Variants in ETFA observed in about 807,000 individuals in gnomAD.
ETFA encodes electron transfer flavoprotein subunit alpha.
Under a neutral mutation model 46.2 loss-of-function variants are expected in ETFA, and 22 were observed. The ratio of observed to expected loss-of-function variants is 0.48; its 90% confidence interval spans 0.34 to 0.68. The LOEUF is 0.68. Among genes scored for constraint, ETFA ranks in the 30% least tolerant of loss-of-function variants. The probability of loss-of-function intolerance (pLI) is 0.01; values close to 1 mark genes in which losing one functional copy is unlikely to be tolerated. For synonymous variants in ETFA, 131 were observed against 139.9 expected (o/e 0.94, Z 0.45); for missense variants, 345 against 401.1 (o/e 0.86, Z 1.19).
At chr15:76,250,222 G>GC (rs1555456759) in intron 9 of ETFA, among the ~76,000 whole-genome samples, 1 of 151,616 alleles carries the variant, frequency 6.6e-6, no homozygotes, top group African/African-American at 2.4e-5. Flanking sequence ...AAGATGGATT[G>GC]AAAAAAAGAT....
At chr15:76,271,720 C>T (rs899035789) in intron 9 of ETFA, among the ~76,000 whole-genome samples, 3 of 151,976 alleles carry the variant, frequency 2.0e-5, no homozygotes, top group Non-Finnish European at 4.4e-5. Context: ...CCTATATAAC[C>T]TATTTGGGGA....
Position 76,241,607 on chromosome 15 carries a change from T to C in ETFA, c.817-10209A>G, listed in dbSNP as rs193198332. Among the ~76,000 whole-genome samples the C allele has an allele frequency of 4.0e-3, 599 of 151,602 alleles. 3 individuals are homozygous for C. Among genetic ancestry groups the C allele is most frequent in the African/African-American group, 0.014 (567 of 41,380 alleles). On this transcript the variant is annotated intron_variant, in intron 9 of 11. Transcript: ENST00000557943. ...CGAGGTCAGGAGATCCAGACCATCC[T>C]GGCCAACACGGTGAAACTCTGTCTC...
chr15:76,224,586 C>A (rs1347920572), intron 11 of ETFA, among the ~76,000 whole-genome samples: 4 of 152,208 alleles, frequency 2.6e-5, no homozygotes, highest in Non-Finnish European at 5.9e-5. Context: ...AGATCATATG[C>A]AGTGCTGGTG....
At chr15:76,263,664 G>A (rs1486698491) in intron 9 of ETFA, among the ~76,000 whole-genome samples, 1 of 152,096 alleles carries the variant, frequency 6.6e-6, no homozygotes, top group African/African-American at 2.4e-5. Context: ...ATTTTAAAAA[G>A]GTGTATAAAG....
In ETFA at chr15:76,295,436, C is replaced by T. The variant is rs3759853; in HGVS notation, c.186+155G>A. The stretch of plus-strand genomic sequence containing the variant: ...GCTTAGGGAAGAAACCTTTTAGTTC[C>T]TTTTTCACACATGGTAATGGTTGTG... On this transcript the variant is annotated intron_variant, in intron 2 of 11. Coordinates refer to ENST00000557943, the MANE Select transcript of ETFA (RefSeq NM_000126.4). Among the ~76,000 whole-genome samples, 62,401 of 151,974 alleles carry T rather than the reference C, an allele frequency of 0.41. 15,224 individuals carry two copies. The highest frequency in any genetic ancestry group is 0.56 in the Middle Eastern group (165 of 294).
rs1336846665 is a variant in ETFA at position 76,292,651 on chromosome 15, G to A, written c.236C>T (p.Ala79Val). ...TAGGCCTTTGTACACATCATGCTGA[G>A]CCACCAGAACTTTTGCTATGCCTGC... ...KVAGIAKVLV[A>V]QHDVYKGLLP... is the part of the protein sequence containing the mutation. Residue 79 changes from alanine (A) to valine (V), a missense_variant, in exon 3 of 12, where the codon GCT becomes GTT. By Grantham distance (64) the Ala-to-Val change is moderately conservative (BLOSUM62 0). Transcript: ENST00000557943. 1 of 1,613,918 alleles carries A rather than the reference G, an allele frequency of 6.2e-7. No homozygotes were observed. Among genetic ancestry groups the A allele is most frequent in the East Asian group, 2.2e-5 (1 of 44,872 alleles).
intron 9 of ETFA, among the ~76,000 whole-genome samples, chr15:76,256,276 A>AC (rs2039345162): frequency 6.6e-6 from 1 of 151,720 alleles, no homozygotes; most frequent in African/African-American, 2.4e-5. Flanking sequence ...AAAAAAAAAA[A>AC]AAAAAAATAT....
At chr15:76,258,576 G>A (rs1265938756) in intron 9 of ETFA, among the ~76,000 whole-genome samples, 1 of 152,234 alleles carries the variant, frequency 6.6e-6, no homozygotes, top group Non-Finnish European at 1.5e-5. Flanking sequence ...GTAACAGCTG[G>A]GCCCTCAGGC....
In ETFA at chr15:76,286,336, GAAAC is replaced by G. The variant is rs374216660; in HGVS notation, c.562+31_562+34del. The stretch of plus-strand genomic sequence containing the variant: ...TACAGTCTATGAATTAAAAAAGTAA[GAAAC>G]AAAACAAAAAAACTCCAAATGAACA... On this transcript the variant is annotated intron_variant, in intron 6 of 11. Transcript: ENST00000557943. The G allele has an allele frequency of 1.2e-3, 1,545 of 1,277,288 alleles. 12 individuals are homozygous for G. The African/African-American group carries it at 0.017, about 14-fold the overall frequency. 79.1% of individuals were successfully genotyped at this position (1,277,288 alleles called of 1,614,324 possible).
chr15:76,283,807 C>G lies in ETFA; in HGVS notation c.683G>C (p.Gly228Ala), dbSNP rs1291498835. The change falls in exon 8 of 12, where the codon GGA becomes GCA. Residue 228 changes from glycine to alanine, a missense_variant. Transcript: ENST00000557943. ...VVSGGRGLKSGENFKLLYDLA... is the reference protein window; with the variant it reads ...VVSGGRGLKSAENFKLLYDLA... ...GTCATATAACAACTTAAAGTTCTCT[C>G]CACTCTTCAAGCCTCGACCTCATTT... 2 of 1,611,656 alleles carry G rather than the reference C, an allele frequency of 1.2e-6. No homozygotes were observed. The highest frequency in any genetic ancestry group is 1.1e-5 in the South Asian group (1 of 90,904).
chr15:76,260,960 A>G (rs1271609239), intron 9 of ETFA: 18 of 1,610,968 alleles, frequency 1.1e-5, no homozygotes, highest in South Asian at 7.7e-5. Flanking sequence ...CTCGGCCATC[A>G]GCACCTGGCA....
At chr15:76,260,910 G>A in intron 9 of ETFA, 1 of 1,611,938 alleles carries the variant, frequency 6.2e-7, no homozygotes, top group Non-Finnish European at 8.5e-7. Flanking sequence ...CCAGCCTCCT[G>A]GGGCCTGTGT....
At chr15:76,259,206 C>T in intron 9 of ETFA, 1 of 1,541,318 alleles carries the variant, frequency 6.5e-7, no homozygotes, top group Non-Finnish European at 9.0e-7. Context: ...CAGCTCCAGG[C>T]TGCCTCCCAC....
At chr15:76,266,443 T>G (rs2039471431) in intron 9 of ETFA, among the ~76,000 whole-genome samples, 1 of 152,180 alleles carries the variant, frequency 6.6e-6, no homozygotes, top group Non-Finnish European at 1.5e-5. Context: ...ATCCATTACA[T>G]GGATGATATT....
chr15:76,259,424 G>A, intron 9 of ETFA: 1 of 1,171,126 alleles, frequency 8.5e-7, no homozygotes, highest in South Asian at 1.2e-5. Context: ...GATGGAGTGG[G>A]AGTGTAAGAA....
chr15:76,218,591 A>G (rs1419779593), intron 11 of ETFA, among the ~76,000 whole-genome samples: 1 of 152,298 alleles, frequency 6.6e-6, no homozygotes, highest in Middle Eastern at 3.4e-3. Context: ...CCTTTAAAGC[A>G]TACCACATGA....
chr15:76,228,284 A>C, intron 10 of ETFA: 1 of 309,240 alleles, frequency 3.2e-6, no homozygotes, highest in South Asian at 2.9e-5. Context: ...TCCTGGGCTC[A>C]AGTGATCCTC....
At chr15:76,222,826 C>T (rs1166909554) in intron 11 of ETFA, among the ~76,000 whole-genome samples, 6 of 128,652 alleles carry the variant, frequency 4.7e-5, no homozygotes, top group African/African-American at 1.6e-4. Context: ...TAGTTTTTTT[C>T]CCCCAAACTG....
intron 9 of ETFA, among the ~76,000 whole-genome samples, chr15:76,241,356 T>C (rs1195282335): frequency 6.6e-6 from 1 of 151,522 alleles, no homozygotes; most frequent in African/African-American, 2.4e-5. Flanking sequence ...AAAAACAAAT[T>C]AGCTGGGTGT....
Sources: gnomAD v4.1 joint callset for allele counts (sites outside exome capture counted in the v4.1 genomes callset) on GRCh38, gnomAD v4.1.1 for gene constraint, MANE v1.5 for transcripts, NCBI Gene and HGNC (gene_info 2026-07-23, HGNC 2026-07-21) for gene names.